Variants in ZNF804A observed in about 807,000 individuals in gnomAD.
ZNF804A encodes the protein zinc finger protein 804A.
In ZNF804A, 2 loss-of-function variants were observed where a neutral mutation model predicts 16.5. The ratio of observed to expected loss-of-function variants is 0.12; its 90% CI spans 0.05 to 0.38. The LOEUF is 0.38. Among genes scored for constraint, ZNF804A ranks in the 10% least tolerant of loss-of-function variants. The probability of loss-of-function intolerance (pLI) is 0.99; values close to 1 mark genes in which losing one functional copy is unlikely to be tolerated. For synonymous variants in ZNF804A, 534 were observed against 489.6 expected (o/e 1.09, Z -1.20); for missense variants, 1,473 against 1,390.7 (o/e 1.06, Z -0.94).
At chr2:184,933,834 C>T (rs1559007384) in intron 3 of ZNF804A, 101 bp downstream of exon 3, 3 of 1,220,186 alleles carry the variant, frequency 2.5e-6, no homozygotes, top group Admixed American at 6.5e-5. Context: ...ATTACTGTAC[C>T]CAGAATAAGG....
rs183375145 is a variant in ZNF804A, at chr2:184,807,056, C to A, written c.112-59313C>A. 6.3e-4 allele frequency among the ~76,000 whole-genome samples: 96 copies of A among 151,618 alleles called. 1 individual carries two copies. The South Asian group carries it at 0.013, about 20-fold the overall frequency. ...TATTGTCTCTGCTCTTTTCAGATAGCCCCTGTCCAACTTGGCATAGTCTTT... is the reference window on the plus strand; with the variant it reads ...TATTGTCTCTGCTCTTTTCAGATAGACCCTGTCCAACTTGGCATAGTCTTT... On this transcript the variant is annotated intron_variant, in intron 1 of 3. Transcript: ENST00000302277.
chr2:184,608,493 G>A (rs1410168847), intron 1 of ZNF804A, among the ~76,000 whole-genome samples: 2 of 152,152 alleles, frequency 1.3e-5, no homozygotes, highest in Non-Finnish European at 2.9e-5. Context: ...GAGATGTTGG[G>A]TAAGAAAAAC....
chr2:184,920,898 T>G (rs1444371239), intron 2 of ZNF804A, among the ~76,000 whole-genome samples: 1 of 152,176 alleles, frequency 6.6e-6, no homozygotes, highest in Non-Finnish European at 1.5e-5. Flanking sequence ...AAAATACACC[T>G]TAGCCAACTT....
At chr2:184,725,734 T>G (rs1480333727) in intron 1 of ZNF804A, among the ~76,000 whole-genome samples, 2 of 151,554 alleles carry the variant, frequency 1.3e-5, no homozygotes, top group Admixed American at 6.6e-5. Context: ...AAACACAGTA[T>G]TATTTCACCA....
intron 1 of ZNF804A, among the ~76,000 whole-genome samples, chr2:184,667,582 A>C (rs1343694955): frequency 1.3e-5 from 2 of 151,906 alleles, no homozygotes; most frequent in Non-Finnish European, 3.0e-5. Flanking sequence ...AGGATTACAT[A>C]ATGAAAAGGG....
chr2:184,739,322 A>G (rs189934017), intron 1 of ZNF804A, among the ~76,000 whole-genome samples: 4 of 152,212 alleles, frequency 2.6e-5, no homozygotes, highest in African/African-American at 9.6e-5. Flanking sequence ...TTAAGCAATA[A>G]GAATATTGGC....
intron 2 of ZNF804A, among the ~76,000 whole-genome samples, chr2:184,876,885 A>G (rs1326850588): frequency 2.0e-5 from 3 of 152,130 alleles, no homozygotes; most frequent in African/African-American, 4.8e-5. Context: ...ATTCCCCACC[A>G]AAAGAAAAAA....
At chr2:184,933,920 T>C (rs1027948891) in intron 3 of ZNF804A, among the ~76,000 whole-genome samples, 187 bp downstream of exon 3, 1 of 152,094 alleles carries the variant, frequency 6.6e-6, no homozygotes, top group Non-Finnish European at 1.5e-5. Flanking sequence ...ACCTGTTTAA[T>C]GCACATTTCA....
chr2:184,900,928 T>C (rs1574263152), intron 2 of ZNF804A, among the ~76,000 whole-genome samples: 1 of 152,196 alleles, frequency 6.6e-6, no homozygotes, highest in Non-Finnish European at 1.5e-5. Context: ...TCACTGTCCC[T>C]TTGTAGGACT....
At chr2:184,629,287 T>A (rs1691564776) in intron 1 of ZNF804A, among the ~76,000 whole-genome samples, 1 of 152,134 alleles carries the variant, frequency 6.6e-6, no homozygotes, top group Non-Finnish European at 1.5e-5. Context: ...CCAATATCTT[T>A]CCTGCATTCC....
intron 1 of ZNF804A, among the ~76,000 whole-genome samples, chr2:184,727,183 A>G (rs1221916491): frequency 3.3e-5 from 5 of 151,548 alleles, no homozygotes; most frequent in Admixed American, 3.3e-4. Flanking sequence ...TCTGAATAGA[A>G]TTTCGCTCCC....
chr2:184,884,423 G>A (rs1386090664), intron 2 of ZNF804A, among the ~76,000 whole-genome samples: 1 of 151,742 alleles, frequency 6.6e-6, no homozygotes, highest in Non-Finnish European at 1.5e-5. Flanking sequence ...ACCAATGATA[G>A]TCTTCATAGA....
At chr2:184,706,991 A>G (rs1247403276) in intron 1 of ZNF804A, among the ~76,000 whole-genome samples, 1 of 152,164 alleles carries the variant, frequency 6.6e-6, no homozygotes, top group Non-Finnish European at 1.5e-5. Flanking sequence ...TATGTGCCAC[A>G]TTTTTATGTG....
Position 184,754,800 on chromosome 2 carries a change from G to C in ZNF804A, c.112-111569G>C, listed in dbSNP as rs569498581. On this transcript the variant is annotated intron_variant, in intron 1 of 3. Coordinates refer to ENST00000302277, the MANE Select transcript of ZNF804A (RefSeq NM_194250.2). ...AAAAAATTGTGTCTTATTTCCTTTA[G>C]TGTAATCATATAAAAGTATTCTAGA... Among the ~76,000 whole-genome samples the C allele has an allele frequency of 7.9e-4, 119 of 151,478 alleles. 1 individual carries two copies. The highest frequency in any genetic ancestry group is 2.1e-3 in the South Asian group (10 of 4,812).
intron 2 of ZNF804A, among the ~76,000 whole-genome samples, chr2:184,879,604 G>T (rs896481273): frequency 2.6e-5 from 4 of 151,952 alleles, no homozygotes; most frequent in Non-Finnish European, 2.9e-5. Context: ...ATATAGGAAG[G>T]TGAAAAATCT....
intron 1 of ZNF804A, among the ~76,000 whole-genome samples, chr2:184,799,811 T>G (rs1398608317): frequency 2.0e-5 from 3 of 152,204 alleles, no homozygotes; most frequent in Admixed American, 6.5e-5. Context: ...CCCAAAATGC[T>G]GGGATTACAG....
chr2:184,878,749 G>A (rs141105804), intron 2 of ZNF804A, among the ~76,000 whole-genome samples: 39 of 152,108 alleles, frequency 2.6e-4, no homozygotes, highest in African/African-American at 7.2e-4. Context: ...CATTTGTGAT[G>A]TATAGAAATT....
chr2:184,890,664 A>G (rs1158205782), intron 2 of ZNF804A, among the ~76,000 whole-genome samples: 2 of 152,036 alleles, frequency 1.3e-5, no homozygotes, highest in South Asian at 2.1e-4. Context: ...CTATTTACTA[A>G]ATAATGATTA....
intron 1 of ZNF804A, among the ~76,000 whole-genome samples, chr2:184,619,874 A>G (rs1423141920): frequency 1.3e-5 from 2 of 151,946 alleles, no homozygotes; most frequent in African/African-American, 4.8e-5. Context: ...AACTAAATAA[A>G]TTATTTGCAA....
Sources: gnomAD v4.1 joint callset for allele counts (sites outside exome capture counted in the v4.1 genomes callset) on GRCh38, gnomAD v4.1.1 for gene constraint, MANE v1.5 for transcripts, NCBI Gene and HGNC (gene_info 2026-07-23, HGNC 2026-07-21) for gene names.